The following IGSF10 variants were observed in gnomAD, a reference collection of about 807,000 sequenced individuals.
The protein encoded by IGSF10 is calvaria mechanical force protein 608.
Under a neutral mutation model 128.2 loss-of-function variants are expected in IGSF10, and 126 were observed. The observed-to-expected ratio is 0.98, with a 90% CI of 0.85 to 1.14. The LOEUF (loss-of-function observed/expected upper bound fraction) is 1.14, where lower values mean the gene tolerates loss of function less well. Ranked by LOEUF, IGSF10 falls within the 50% of genes most tolerant of loss-of-function variation. The pLI is 0.00. For missense variants in IGSF10, 3,295 were observed against 3,149.8 expected (o/e 1.05, Z -1.10); for synonymous variants, 1,185 against 1,146.2 (o/e 1.03, Z -0.68).
chr3:151,574,266 C>T, the IGSF10 span, among the ~76,000 whole-genome samples: 1 of 152,124 alleles, frequency 6.6e-6, no homozygotes, highest in Non-Finnish European at 1.5e-5. Context: ...GTTGGCCTGC[C>T]TTGCTAGGTT....
At chr3:151,576,952 C>A in the IGSF10 span, among the ~76,000 whole-genome samples, 1 of 152,036 alleles carries the variant, frequency 6.6e-6, no homozygotes, top group Non-Finnish European at 1.5e-5. Context: ...CCCCTTTTTT[C>A]CTTTACTTTC....
intron 7 of IGSF10, chr3:151,440,749 G>A: frequency 2.3e-6 from 1 of 433,788 alleles, no homozygotes; most frequent in Non-Finnish European, 4.7e-6. Context: ...GACTTAATAT[G>A]TGTGCAGCAT....
At chr3:151,499,416 A>C in the IGSF10 span, among the ~76,000 whole-genome samples, 1 of 152,124 alleles carries the variant, frequency 6.6e-6, no homozygotes, top group Non-Finnish European at 1.5e-5. Flanking sequence ...CTTTCCAAGG[A>C]TCTAGAGAAC....
the IGSF10 span, among the ~76,000 whole-genome samples, chr3:151,600,958 T>C: frequency 1.3e-5 from 2 of 151,832 alleles, no homozygotes; most frequent in Non-Finnish European, 1.5e-5. Flanking sequence ...GATTCTGTTT[T>C]AAAAATAAAA....
chr3:151,598,615 A>G, the IGSF10 span, among the ~76,000 whole-genome samples: 2,467 of 152,346 alleles, frequency 0.016, 23 homozygotes, highest in South Asian at 0.025. Context: ...TACCTAATAC[A>G]AGGTAAATGC....
the IGSF10 span, among the ~76,000 whole-genome samples, chr3:151,490,024 T>A: frequency 6.6e-6 from 1 of 151,888 alleles, no homozygotes; most frequent in Non-Finnish European, 1.5e-5. Context: ...ACAAACAAAA[T>A]GGCAGTAATA....
In IGSF10 at chr3:151,448,290, T is replaced by C. The variant is rs369659044; in HGVS notation, c.1691A>G (p.Tyr564Cys). 1 of 1,614,140 alleles carries C rather than the reference T, an allele frequency of 6.2e-7. No homozygotes were observed. The highest frequency in any genetic ancestry group is 8.5e-7 in the Non-Finnish European group (1 of 1,180,050). ...SNYDDADILTYRITVVEPLVE... is the reference protein window; with the variant it reads ...SNYDDADILTCRITVVEPLVE... ...CAAAGGTTCTACCACAGTTATCCTA[T>C]AGGTGAGAATATCTGCATCATCATA... Residue 564 changes from tyrosine to cysteine, a missense_variant, in exon 6 of 8, where the codon TAT becomes TGT. Coordinates refer to ENST00000282466, the MANE Select transcript of IGSF10 (RefSeq NM_178822.5).
At chr3:151,484,247 T>C in the IGSF10 span, among the ~76,000 whole-genome samples, 2 of 152,196 alleles carry the variant, frequency 1.3e-5, no homozygotes, top group Non-Finnish European at 2.9e-5. Flanking sequence ...ACTGCCTTTC[T>C]AGATTCCTTC....
chr3:151,533,520 C>A, the IGSF10 span, among the ~76,000 whole-genome samples: 1 of 152,178 alleles, frequency 6.6e-6, no homozygotes, highest in East Asian at 1.9e-4. Context: ...ACCATCTGAT[C>A]TTTGACAAAC....
the IGSF10 span, among the ~76,000 whole-genome samples, chr3:151,551,848 CA>C: frequency 6.6e-6 from 1 of 152,014 alleles, no homozygotes; most frequent in Non-Finnish European, 1.5e-5. Flanking sequence ...AGCCTATATT[CA>C]AACATTATAT....
the IGSF10 span, among the ~76,000 whole-genome samples, chr3:151,552,993 A>C: frequency 0.17 from 25,721 of 152,104 alleles, 2,288 homozygotes; most frequent in Middle Eastern, 0.21. Context: ...CAATACCTTT[A>C]TCTCTAGCTC....
At chr3:151,470,746 A>AAGCAGC in the IGSF10 span, among the ~76,000 whole-genome samples, 48,000 of 151,696 alleles carry the variant, frequency 0.32, 7,826 homozygotes, top group Middle Eastern at 0.38. Context: ...AATTGACTAA[A>AAGCAGC]AGCAGCAGCA....
chr3:151,436,476 CTTAAG>C lies in IGSF10; in HGVS notation c.*208_*212del, dbSNP rs200125340. On this transcript the variant is annotated 3_prime_UTR_variant, in exon 8 of 8. Transcript: ENST00000282466. Reference sequence around the variant, plus strand: ...TTATTTGTTGGCAAAATAAAAGTGCCTTAAGTTAAAAGTTTGTTTTGAGATCCATT... The same window carrying C: ...TTATTTGTTGGCAAAATAAAAGTGCCTTAAAAGTTTGTTTTGAGATCCATT... The C allele has an allele frequency of 3.3e-3, 1,411 of 423,516 alleles. 21 individuals carry two copies. The East Asian group carries it at 0.035, about 11-fold the overall frequency. 26.2% of individuals were successfully genotyped at this position (423,516 alleles called of 1,614,324 possible).
chr3:151,437,582 G>A lies in IGSF10; in HGVS notation c.6979C>T (p.Gln2327Ter). 1.2e-6 allele frequency: 2 copies of A among 1,614,088 alleles called. No homozygotes were observed. The highest frequency in any genetic ancestry group is 1.7e-6 in the Non-Finnish European group (2 of 1,180,014). The change falls in exon 8 of 8, where the codon CAG becomes TAG. Residue 2327 changes from glutamine to a stop codon, truncating the protein, a stop_gained. Transcript: ENST00000282466. LOFTEE classifies it low-confidence loss of function (END_TRUNC). ...CTCAGCATTTCCAGTACTTCTAACT[G>A]TACTACCAACACGCTCTCTCCACCT... The part of the protein sequence containing the change: ...NEGGESVLVV[Q>*]LEVLEMLRRP...
At chr3:151,497,785 G>A in the IGSF10 span, among the ~76,000 whole-genome samples, 9 of 152,144 alleles carry the variant, frequency 5.9e-5, no homozygotes, top group African/African-American at 1.7e-4. Flanking sequence ...CCATTTTCAC[G>A]ATATTGACTC....
Position 151,445,629 on chromosome 3 carries a change from GTGGTACTC to G in IGSF10, c.4344_4351del (p.Gln1448HisfsTer3). 6.2e-7 allele frequency: 1 copy of G among 1,614,222 alleles called. No homozygotes were observed. Among genetic ancestry groups the G allele is most frequent in the Non-Finnish European group, 8.5e-7 (1 of 1,180,026 alleles). On this transcript the variant is annotated frameshift_variant, in exon 6 of 8. Transcript: ENST00000282466. LOFTEE classifies it high-confidence loss of function. ...GTGTCTAATGATTGCTTTCCTAGTT[GTGGTACTC>G]TGGTGTGATTTGCTGGACAAAGTTG...
Position 151,445,087 on chromosome 3 carries a change from A to G in IGSF10, c.4894T>C (p.Ser1632Pro). Residue 1632 changes from serine to proline, a missense_variant, in exon 6 of 8, where the codon TCC (serine) becomes CCC (proline). Transcript: ENST00000282466. Reference sequence around the variant, plus strand: ...AAAGAGTCAAAGGGAAGGAGTTTGGAAGTTGTTGCTTCTTGAACTGGTTTC... The same window carrying G: ...AAAGAGTCAAAGGGAAGGAGTTTGGGAGTTGTTGCTTCTTGAACTGGTTTC... ...DKKPVQEATT[S>P]KLLPFDSLSR... is the part of the protein sequence containing the mutation. 1 of 1,614,162 alleles carries G rather than the reference A, an allele frequency of 6.2e-7. No homozygotes were observed. The highest frequency in any genetic ancestry group is 1.3e-5 in the African/African-American group (1 of 75,028).
At chr3:151,528,454 C>A in the IGSF10 span, among the ~76,000 whole-genome samples, 1 of 152,308 alleles carries the variant, frequency 6.6e-6, no homozygotes, top group African/African-American at 2.4e-5. Flanking sequence ...TAGCTCCCAG[C>A]AAGACTGATG....
At chr3:151,535,056 T>C in the IGSF10 span, among the ~76,000 whole-genome samples, 1 of 152,138 alleles carries the variant, frequency 6.6e-6, no homozygotes, top group Non-Finnish European at 1.5e-5. Context: ...AGTTTTCTCA[T>C]CTATAAAATT....
Sources: allele counts gnomAD v4.1 joint callset (sites outside exome capture counted in the v4.1 genomes callset), GRCh38; gene constraint gnomAD v4.1.1; transcripts MANE v1.5; gene names NCBI Gene and HGNC (gene_info 2026-07-23, HGNC 2026-07-21).